PFKFB3: variants seen among roughly 807,000 people sequenced by gnomAD.
PFKFB3 encodes 6-phosphofructo-2-kinase/fructose-2,6-bisphosphatase 3.
In PFKFB3, 33 loss-of-function variants were observed where a neutral mutation model predicts 68.0. The observed-to-expected ratio is 0.49, with a 90% confidence interval of 0.37 to 0.65. PFKFB3 has a LOEUF of 0.65. Among genes scored for constraint, PFKFB3 ranks in the 30% least tolerant of loss-of-function variants. The probability of loss-of-function intolerance (pLI) is 0.00; values close to 1 mark genes in which losing one functional copy is unlikely to be tolerated. For synonymous variants in PFKFB3, 315 were observed against 288.2 expected (o/e 1.09, Z -0.94); for missense variants, 586 against 712.2 (o/e 0.82, Z 2.02).
intron 14 of PFKFB3, chr10:6,254,097 C>CTTTTTTTTT (rs34789693): frequency 2.7e-5 from 8 of 301,158 alleles, no homozygotes; most frequent in Non-Finnish European, 2.9e-5. Flanking sequence ...TTTCAGATGG[C>CTTTTTTTTT]TTTTTTTTTT....
At chr10:6,249,178 TAAAAAAAAAA>T (rs71391803) in intron 14 of PFKFB3, among the ~76,000 whole-genome samples, 10 of 76,960 alleles carry the variant, frequency 1.3e-4, no homozygotes, top group Non-Finnish European at 2.6e-4. Context: ...CCGTCTCAAT[TAAAAAAAAAA>T]AAAAAAAAAA....
chr10:6,292,746 G>T, the PFKFB3 span, among the ~76,000 whole-genome samples: 12 of 152,154 alleles, frequency 7.9e-5, 1 homozygote, highest in East Asian at 2.1e-3. Context: ...CACTTCTCAT[G>T]GCCTAGGAGA....
At chr10:6,206,656 G>GCCA (rs1211449239) in intron 1 of PFKFB3, among the ~76,000 whole-genome samples, 7 of 151,348 alleles carry the variant, frequency 4.6e-5, no homozygotes, top group African/African-American at 1.7e-4. Flanking sequence ...TGGGGCGGCG[G>GCCA]GGCAGAGACG....
upstream of PFKFB3, among the ~76,000 whole-genome samples, chr10:6,200,689 T>TGTG (rs1843318395): frequency 2.1e-4 from 1 of 4,866 alleles, no homozygotes; most frequent in Non-Finnish European, 5.4e-4. Flanking sequence ...GGGGTGGTGG[T>TGTG]GGGGCGGGGA....
intron 14 of PFKFB3, among the ~76,000 whole-genome samples, chr10:6,230,493 C>G (rs764391106): frequency 2.0e-5 from 3 of 152,158 alleles, no homozygotes; most frequent in Non-Finnish European, 4.4e-5. Flanking sequence ...AGATACAGCA[C>G]TTAGCACAAT....
At chr10:6,205,388 C>CT (rs3084014) in intron 1 of PFKFB3, among the ~76,000 whole-genome samples, 22,546 of 105,594 alleles carry the variant, frequency 0.21, 3,569 homozygotes, top group Non-Finnish European at 0.28. Flanking sequence ...TTCTTTCTTC[C>CT]TTTTTTTTTT....
chr10:6,296,052 GTC>G, the PFKFB3 span, among the ~76,000 whole-genome samples: 1 of 152,144 alleles, frequency 6.6e-6, no homozygotes, highest in Non-Finnish European at 1.5e-5. Context: ...GTATTTTTCT[GTC>G]TCTCCAGTTT....
chr10:6,185,443 C>T (rs1842842474), intron 1 of PFKFB3, among the ~76,000 whole-genome samples: 2 of 152,182 alleles, frequency 1.3e-5, no homozygotes, highest in South Asian at 2.1e-4. Context: ...GGAGAGAACA[C>T]ACCATAGAAA....
At chr10:6,239,266 T>A (rs1008435997), downstream of PFKFB3, among the ~76,000 whole-genome samples, 2 of 152,208 alleles carry the variant, frequency 1.3e-5, no homozygotes, top group African/African-American at 4.8e-5. Context: ...TAGATGCTAT[T>A]ATCCCCACCT....
downstream of PFKFB3, among the ~76,000 whole-genome samples, chr10:6,255,624 C>A (rs1207320782): frequency 6.6e-6 from 1 of 152,160 alleles, no homozygotes; most frequent in East Asian, 1.9e-4. Context: ...GTAGCCAGAA[C>A]TCTGCCAGGC....
intron 1 of PFKFB3, among the ~76,000 whole-genome samples, chr10:6,176,019 T>G (rs961728373): frequency 6.6e-6 from 1 of 152,230 alleles, no homozygotes; most frequent in Non-Finnish European, 1.5e-5. Flanking sequence ...CAGAAGAATG[T>G]TCACTGCGGC....
intron 6 of PFKFB3, among the ~76,000 whole-genome samples, chr10:6,218,776 T>C (rs1166241472): frequency 2.0e-5 from 3 of 152,154 alleles, no homozygotes; most frequent in African/African-American, 7.2e-5. Context: ...GCAAATTATA[T>C]TCCCATTGTT....
At chr10:6,284,210 G>A in the PFKFB3 span, among the ~76,000 whole-genome samples, 2 of 152,194 alleles carry the variant, frequency 1.3e-5, no homozygotes, top group Non-Finnish European at 2.9e-5. Context: ...TTGATTGATG[G>A]TGCTGTTCAG....
At chr10:6,281,842 C>T in the PFKFB3 span, among the ~76,000 whole-genome samples, 1 of 151,882 alleles carries the variant, frequency 6.6e-6, no homozygotes, top group Non-Finnish European at 1.5e-5. Context: ...CAGCAAAGAT[C>T]GATTGAATCT....
At chr10:6,169,016 G>GCATGATCTCAGC (rs143686262) in intron 1 of PFKFB3, among the ~76,000 whole-genome samples, 4 of 151,808 alleles carry the variant, frequency 2.6e-5, no homozygotes, top group African/African-American at 4.8e-5. Flanking sequence ...GAGTGCACTG[G>GCATGATCTCAGC]TCACTGCAAC....
chr10:6,225,540 T>C (rs956179184), intron 13 of PFKFB3, among the ~76,000 whole-genome samples: 1 of 152,236 alleles, frequency 6.6e-6, no homozygotes, highest in East Asian at 1.9e-4. Context: ...GGCAGGGCCA[T>C]GATGGAGACA....
chr10:6,176,409 C>T (rs1842473853), intron 1 of PFKFB3, among the ~76,000 whole-genome samples: 1 of 152,100 alleles, frequency 6.6e-6, no homozygotes, highest in African/African-American at 2.4e-5. Flanking sequence ...TTCTCATTTA[C>T]CTGTTTAATT....
chr10:6,184,539 C>T (rs1371429750), intron 1 of PFKFB3, among the ~76,000 whole-genome samples: 2 of 151,216 alleles, frequency 1.3e-5, no homozygotes, highest in South Asian at 2.1e-4. Flanking sequence ...GGTGTGATCT[C>T]GGCTCACTGC....
intron 1 of PFKFB3, among the ~76,000 whole-genome samples, chr10:6,204,393 G>A (rs1488775670): frequency 6.6e-6 from 1 of 152,248 alleles, no homozygotes; most frequent in African/African-American, 2.4e-5. Flanking sequence ...GAGCGCAGGC[G>A]GCTGGCAGGC....
Sources: gnomAD v4.1 joint callset for allele counts (sites outside exome capture counted in the v4.1 genomes callset) on GRCh38, gnomAD v4.1.1 for gene constraint, MANE v1.5 for transcripts, NCBI Gene and HGNC (gene_info 2026-07-23, HGNC 2026-07-21) for gene names.